HOXC4: variants seen among roughly 807,000 people sequenced by gnomAD.
The protein encoded by HOXC4 is homeobox protein Hox-C4.
HOXC4 carries 15 observed loss-of-function variants against 25.5 expected under a neutral mutation model. The observed-to-expected ratio is 0.59, with a 90% confidence interval of 0.39 to 0.91. The LOEUF is 0.91. Among genes scored for constraint, HOXC4 ranks in the 40% least tolerant of loss-of-function variants. The probability of loss-of-function intolerance (pLI) is 0.00; values close to 1 mark genes in which losing one functional copy is unlikely to be tolerated. For synonymous variants in HOXC4, 165 were observed against 148.0 expected (o/e 1.11, Z -0.83); for missense variants, 342 against 352.4 (o/e 0.97, Z 0.24).
intron 1 of HOXC4, among the ~76,000 whole-genome samples, chr12:54,039,235 GTCTGGGCA>G (rs569416055): frequency 1.3e-3 from 195 of 152,302 alleles, no homozygotes; most frequent in African/African-American, 4.3e-3. Context: ...GAGCAGCGGT[GTCTGGGCA>G]TCTGCTTTGT....
At chr12:54,023,635 C>T (rs1383232225) in intron 1 of HOXC4, among the ~76,000 whole-genome samples, 2 of 152,128 alleles carry the variant, frequency 1.3e-5, no homozygotes, top group African/African-American at 4.8e-5. Context: ...CCTGCTGATC[C>T]CCAGCTCCCT....
At chr12:54,039,711 C>T (rs1401524200) in intron 1 of HOXC4, among the ~76,000 whole-genome samples, 1 of 151,988 alleles carries the variant, frequency 6.6e-6, no homozygotes, top group Non-Finnish European at 1.5e-5. Flanking sequence ...GGGAGTTTCT[C>T]TTGGTCTGTA....
intron 1 of HOXC4, chr12:54,028,975 C>A: frequency 1.3e-6 from 2 of 1,514,628 alleles, no homozygotes; most frequent in Non-Finnish European, 1.8e-6. Flanking sequence ...GGCTTTATGA[C>A]CGGCTTCCCT....
At chr12:54,053,572 C>G (rs535680134), upstream of HOXC4, 15 of 263,734 alleles carry the variant, frequency 5.7e-5, no homozygotes, top group Admixed American at 5.0e-4. Context: ...TCCCGACAGT[C>G]CCCCAATGCC....
At chr12:54,027,678 A>G (rs2090209010) in intron 1 of HOXC4, among the ~76,000 whole-genome samples, 1 of 151,984 alleles carries the variant, frequency 6.6e-6, no homozygotes, top group African/African-American at 2.4e-5. Context: ...AAAATGCTGG[A>G]AGAGTTTTCC....
chr12:54,033,229 C>T, intron 1 of HOXC4: 1 of 1,614,150 alleles, frequency 6.2e-7, no homozygotes. Flanking sequence ...GTGCAGGCAT[C>T]CAGGTACTGC....
chr12:54,020,425 A>ATCCCCC (rs1940383671), intron 1 of HOXC4: 1 of 152,212 alleles, frequency 6.6e-6, no homozygotes, highest in African/African-American at 2.4e-5. Flanking sequence ...GGGCAGAGCA[A>ATCCCCC]ACCCTTTCTC....
intron 1 of HOXC4, among the ~76,000 whole-genome samples, chr12:54,040,409 C>T (rs944763603): frequency 6.6e-6 from 1 of 152,180 alleles, no homozygotes; most frequent in African/African-American, 2.4e-5. Flanking sequence ...ACAGCCTTAG[C>T]TCCTGGGTTT....
intron 1 of HOXC4, chr12:54,033,961 CG>C: frequency 2.5e-6 from 1 of 404,076 alleles, no homozygotes; most frequent in South Asian, 2.0e-5. Flanking sequence ...TCGGGAGGGG[CG>C]GGAGGGGGGT....
rs10747689 is a variant in HOXC4 at position 54,031,687 on chromosome 12, C to A, written c.-124+14273C>A. 7.8e-3 allele frequency among the ~76,000 whole-genome samples: 1,180 copies of A among 152,114 alleles called. 15 individuals carry two copies. Among genetic ancestry groups the A allele is most frequent in the African/African-American group, 0.027 (1,121 of 41,514 alleles). ...CGGGCCCTTCAGATTCCCTCCAGCG[C>A]CCCCACCCTCGCCTCCAGTGCCTCC... is the stretch of plus-strand genomic sequence containing the variant. On this transcript the variant is annotated intron_variant, in intron 1 of 3. Coordinates refer to the HOXC4 transcript ENST00000303406.
chr12:54,041,461 C>T lies in HOXC4; in HGVS notation c.-123-11699C>T, dbSNP rs545295964. On this transcript the variant is annotated intron_variant, in intron 1 of 3. Transcript: ENST00000303406. ...TGTGGCACCTGGACCTCTAAGCACCCCCCTGGGGGCATTAAGAGTACAAGA... is the reference window on the plus strand; with the variant it reads ...TGTGGCACCTGGACCTCTAAGCACCTCCCTGGGGGCATTAAGAGTACAAGA... Among the ~76,000 whole-genome samples, 37 of 152,310 alleles carry T rather than the reference C, an allele frequency of 2.4e-4. No individual in the cohort carries two copies. In the South Asian group the frequency reaches 7.7e-3, roughly 32 times the overall value.
chr12:54,028,306 C>A, intron 1 of HOXC4: 1 of 467,602 alleles, frequency 2.1e-6, no homozygotes, highest in South Asian at 4.3e-5. Flanking sequence ...TCAAAGCACA[C>A]ACTTAGTCTC....
At chr12:54,037,072 G>C (rs1038246332) in intron 1 of HOXC4, among the ~76,000 whole-genome samples, 2 of 152,214 alleles carry the variant, frequency 1.3e-5, no homozygotes, top group African/African-American at 2.4e-5. Flanking sequence ...GGCTTGGGTA[G>C]ACACAGAGTG....
chr12:54,030,725 T>C (rs1407800554), intron 1 of HOXC4: 3 of 152,592 alleles, frequency 2.0e-5, no homozygotes, highest in Non-Finnish European at 2.9e-5. Context: ...AGAAAATAAA[T>C]AAATAAATAA....
At chr12:54,050,340 G>C (rs1232617848), upstream of HOXC4, among the ~76,000 whole-genome samples, 1 of 152,210 alleles carries the variant, frequency 6.6e-6, no homozygotes, top group Non-Finnish European at 1.5e-5. Context: ...AAAGGAGATG[G>C]GGTGGAGGGG....
At chr12:54,038,568 C>T (rs954112888) in intron 1 of HOXC4, among the ~76,000 whole-genome samples, 8 of 152,154 alleles carry the variant, frequency 5.3e-5, no homozygotes, top group African/African-American at 1.7e-4. Context: ...CCCAGAGGTC[C>T]CAGAGTGCCC....
chr12:54,030,022 CT>C, intron 1 of HOXC4: 1 of 1,375,524 alleles, frequency 7.3e-7, no homozygotes, highest in Non-Finnish European at 9.8e-7. Context: ...CAACTCTCCC[CT>C]AATCACACAC....
At chr12:54,022,909 C>A (rs975058253) in intron 1 of HOXC4, among the ~76,000 whole-genome samples, 1 of 152,150 alleles carries the variant, frequency 6.6e-6, no homozygotes, top group African/African-American at 2.4e-5. Flanking sequence ...ATCCTTTGAC[C>A]CAGTGCAGAG....
At chr12:54,033,320 C>T (rs751432903) in intron 1 of HOXC4, 2 of 1,613,914 alleles carry the variant, frequency 1.2e-6, no homozygotes, top group Non-Finnish European at 1.7e-6. Context: ...TGGCTGCCAA[C>T]CCCCGGGCTC....
Sources: gnomAD v4.1 joint callset for allele counts (sites outside exome capture counted in the v4.1 genomes callset) on GRCh38, gnomAD v4.1.1 for gene constraint, MANE v1.5 for transcripts, NCBI Gene and HGNC (gene_info 2026-07-23, HGNC 2026-07-21) for gene names.